PROS1: variants seen among roughly 807,000 people sequenced by gnomAD.
PROS1 encodes the protein protein S, also known as vitamin K-dependent protein S.
A neutral mutation model predicts 75.9 loss-of-function variants in PROS1; 29 were observed. The ratio of observed to expected loss-of-function variants is 0.38; its 90% CI spans 0.28 to 0.52. The LOEUF (loss-of-function observed/expected upper bound fraction) is 0.52. Among genes scored for constraint, PROS1 ranks in the 20% least tolerant of loss-of-function variants. The pLI is 0.83. For missense variants in PROS1, 680 were observed against 810.3 expected (o/e 0.84, Z 1.95); for synonymous variants, 245 against 280.6 (o/e 0.87, Z 1.27).
chr3:93,956,533 T>TACACACACACAC (rs758070649), intron 1 of PROS1, among the ~76,000 whole-genome samples: 1 of 113,262 alleles, frequency 8.8e-6, no homozygotes. Flanking sequence ...TCTCTCTCTC[T>TACACACACACAC]ACACACACAC....
At position 93,945,184 on chromosome 3, in the gene PROS1, A is replaced by T. The variant is rs548727256; in HGVS notation, c.77-17777T>A. The stretch of plus-strand genomic sequence containing the variant: ...AGTTAAGAGCCTACCAATAAAAAAA[A>T]GTCCAGGACCAGACGGATTCACAGA... On this transcript the variant is annotated intron_variant, in intron 1 of 14. Transcript: ENST00000394236. Among the ~76,000 whole-genome samples the T allele has an allele frequency of 7.9e-4, 120 of 152,342 alleles. 1 individual carries two copies. The highest frequency in any genetic ancestry group is 2.7e-3 in the African/African-American group (113 of 41,566).
chr3:93,930,153 T>C (rs1709085167), intron 1 of PROS1, among the ~76,000 whole-genome samples: 1 of 152,206 alleles, frequency 6.6e-6, no homozygotes. Flanking sequence ...TGTAACCCTA[T>C]CTCTTGACAT....
At chr3:93,942,962 GA>G (rs1290646794) in intron 1 of PROS1, among the ~76,000 whole-genome samples, 1 of 152,182 alleles carries the variant, frequency 6.6e-6, no homozygotes, top group Non-Finnish European at 1.5e-5. Context: ...GGTCTGGGTA[GA>G]CACTTTCACT....
chr3:93,949,877 G>T (rs558747870), intron 1 of PROS1, among the ~76,000 whole-genome samples: 18 of 152,302 alleles, frequency 1.2e-4, no homozygotes, highest in Admixed American at 1.1e-3. Context: ...GCCAAAGCAG[G>T]GGGGGCATTG....
chr3:93,927,307 G>T lies in PROS1; in HGVS notation c.177C>A (p.Ile59=), dbSNP rs764115962. Residue 59 remains isoleucine, a synonymous_variant, in exon 2 of 15, where the codon ATC becomes ATA. Transcript: ENST00000394236. The part of the protein sequence containing the change: ...TKQGNLEREC[I]EELCNKEEAR... ...CTTCTTCTTTATTGCACAGTTCTTC[G>T]ATGCATTCTCTTTCAAGATTACCCT... is the stretch of plus-strand genomic sequence containing the variant. 2 of 1,613,192 alleles carry T rather than the reference G, an allele frequency of 1.2e-6. No individual in the cohort carries two copies. The highest frequency in any genetic ancestry group is 1.7e-6 in the Non-Finnish European group (2 of 1,179,934).
chr3:93,943,836 C>A (rs1709334437), intron 1 of PROS1, among the ~76,000 whole-genome samples: 1 of 152,162 alleles, frequency 6.6e-6, no homozygotes, highest in African/African-American at 2.4e-5. Flanking sequence ...ATTACTTCCC[C>A]TGGCTCAGAA....
At position 93,905,831 on chromosome 3, in the gene PROS1, G is replaced by C; in HGVS notation, c.554C>G (p.Ser185Cys). ...AAGCATAACAAAACCATTTTTACAG[G>C]AACAGTGGTAACTTCCAGGTGTATT... ...CDNTPGSYHCSCKNGFVMLSN... is the reference protein window; with the variant it reads ...CDNTPGSYHCCCKNGFVMLSN... The change falls in exon 6 of 15, where the codon TCC becomes TGC. Residue 185 changes from serine to cysteine, a missense_variant. Transcript: ENST00000394236. The C allele has an allele frequency of 6.2e-7, 1 of 1,612,632 alleles. No individual in the cohort carries two copies. The highest frequency in any genetic ancestry group is 8.5e-7 in the Non-Finnish European group (1 of 1,178,788).
intron 1 of PROS1, among the ~76,000 whole-genome samples, chr3:93,966,259 C>A (rs1469385353): frequency 2.0e-5 from 3 of 152,122 alleles, no homozygotes; most frequent in African/African-American, 7.2e-5. Context: ...GAGATGGTTG[C>A]AAATGGTCTT....
At chr3:93,955,279 A>T (rs1709580173) in intron 1 of PROS1, among the ~76,000 whole-genome samples, 1 of 152,194 alleles carries the variant, frequency 6.6e-6, no homozygotes, top group African/African-American at 2.4e-5. Flanking sequence ...ATGCCTACAG[A>T]TGTTTATTGC....
intron 14 of PROS1, among the ~76,000 whole-genome samples, chr3:93,875,156 C>T (rs2107121167): frequency 6.6e-6 from 1 of 152,154 alleles, no homozygotes; most frequent in East Asian, 1.9e-4. Flanking sequence ...TGTTAAGAAT[C>T]CCTTTCAAGT....
chr3:93,949,228 C>A (rs1323954999), intron 1 of PROS1, among the ~76,000 whole-genome samples: 2 of 152,292 alleles, frequency 1.3e-5, no homozygotes, highest in Admixed American at 6.5e-5. Context: ...ACAATAGGAA[C>A]CTTAATATAT....
At position 93,891,489 on chromosome 3, in the gene PROS1, G is replaced by A. The variant is rs533804686; in HGVS notation, c.1155+1444C>T. ...GTCACCCAGGCTGGAGTGCAGTGGC[G>A]TGATCTCGGCTCACTGCAACCTCCG... On this transcript the variant is annotated intron_variant, in intron 10 of 14. Coordinates refer to ENST00000394236, the MANE Select transcript of PROS1 (RefSeq NM_000313.4). Among the ~76,000 whole-genome samples, 5 of 152,144 alleles carry A rather than the reference G, an allele frequency of 3.3e-5. No homozygotes were observed. In the East Asian group the frequency reaches 5.8e-4, roughly 18 times the overall value.
chr3:93,956,548 AC>A (rs1709604728), intron 1 of PROS1, among the ~76,000 whole-genome samples: 3 of 76,968 alleles, frequency 3.9e-5, no homozygotes, highest in African/African-American at 1.1e-4. Context: ...ACACACACAC[AC>A]ACACACACAC....
chr3:93,925,036 C>A (rs2107198607), intron 2 of PROS1, among the ~76,000 whole-genome samples: 1 of 152,174 alleles, frequency 6.6e-6, no homozygotes, highest in East Asian at 1.9e-4. Flanking sequence ...ACATGTAGTA[C>A]CTTACCTATA....
At chr3:93,942,494 G>T (rs756979102) in intron 1 of PROS1, among the ~76,000 whole-genome samples, 5 of 152,134 alleles carry the variant, frequency 3.3e-5, no homozygotes, top group Admixed American at 2.0e-4. Flanking sequence ...TCAGGACAGT[G>T]CTTAGGCTGA....
In PROS1 at chr3:93,910,799, T is replaced by A; in HGVS notation, c.260-94A>T. 3 of 976,980 alleles carry A rather than the reference T, an allele frequency of 3.1e-6. No individual in the cohort carries two copies. In the South Asian group the frequency reaches 4.2e-5, roughly 14 times the overall value. 60.5% of individuals were successfully genotyped at this position (976,980 alleles called of 1,614,324 possible). On this transcript the variant is annotated intron_variant, in intron 3 of 14. Transcript: ENST00000394236. The stretch of plus-strand genomic sequence containing the variant: ...ACTGTCCCAAGAGGTAGGACATTTA[T>A]GCTCCTGTAGATTCACAAGATTCAG...
intron 1 of PROS1, chr3:93,968,115 T>C (rs1709817525): frequency 6.6e-6 from 1 of 152,210 alleles, no homozygotes; most frequent in African/African-American, 2.4e-5. Flanking sequence ...GATATGATGT[T>C]TAATGACTGC....
chr3:93,952,270 T>C (rs1245859854), intron 1 of PROS1, among the ~76,000 whole-genome samples: 1 of 152,166 alleles, frequency 6.6e-6, no homozygotes, highest in Non-Finnish European at 1.5e-5. Flanking sequence ...ATCAACAGGA[T>C]ATACATTCTT....
chr3:93,959,756 C>G (rs534819460), intron 1 of PROS1, among the ~76,000 whole-genome samples: 5 of 152,340 alleles, frequency 3.3e-5, no homozygotes, highest in Non-Finnish European at 5.9e-5. Context: ...GACCATGTTT[C>G]AGGGACTTCA....
Sources: allele counts gnomAD v4.1 joint callset (sites outside exome capture counted in the v4.1 genomes callset), GRCh38; gene constraint gnomAD v4.1.1; transcripts MANE v1.5; gene names NCBI Gene and HGNC (gene_info 2026-07-23, HGNC 2026-07-21).